HACD2: variants seen among roughly 807,000 people sequenced by gnomAD.
HACD2 encodes very-long-chain (3R)-3-hydroxyacyl-CoA dehydratase 2.
Under a neutral mutation model 31.0 loss-of-function variants are expected in HACD2, and 15 were observed. That is an observed-to-expected ratio of 0.48 (90% CI 0.32 to 0.75). The LOEUF is 0.75. Ranked by LOEUF, HACD2 falls within the 30% of genes least tolerant of loss-of-function variation. HACD2 has a pLI of 0.03. For missense variants in HACD2, 283 were observed against 313.0 expected, an observed-to-expected ratio of 0.90 and a Z score of 0.72; for synonymous variants, 115 against 122.2, an observed-to-expected ratio of 0.94 and a Z score of 0.39.
chr3:123,580,692 A>T (rs1320517703), intron 2 of HACD2, among the ~76,000 whole-genome samples: 1 of 150,978 alleles, frequency 6.6e-6, no homozygotes, highest in Non-Finnish European at 1.5e-5. Flanking sequence ...CTGAGGTGGG[A>T]GGACTGCTTG....
chr3:123,511,257 G>C (rs1219441400), intron 4 of HACD2, among the ~76,000 whole-genome samples: 1 of 152,026 alleles, frequency 6.6e-6, no homozygotes, highest in Non-Finnish European at 1.5e-5. Context: ...TTACAGACAA[G>C]TAAAGTGAGG....
intron 5 of HACD2, 77 bp downstream of exon 5, chr3:123,502,483 G>T (rs2055914546): frequency 2.8e-6 from 4 of 1,448,306 alleles, no homozygotes; most frequent in Non-Finnish European, 3.8e-6. Context: ...AAACTTTGAG[G>T]CAATATTTAG....
intron 4 of HACD2, among the ~76,000 whole-genome samples, chr3:123,510,135 T>C (rs1043374468): frequency 2.0e-5 from 3 of 152,168 alleles, no homozygotes; most frequent in African/African-American, 7.2e-5. Flanking sequence ...TCTGTACCCA[T>C]TAAACAATCA....
chr3:123,533,418 G>A (rs1355663208), intron 3 of HACD2, among the ~76,000 whole-genome samples: 1 of 152,188 alleles, frequency 6.6e-6, no homozygotes, highest in Non-Finnish European at 1.5e-5. Context: ...CAAAGTGCTG[G>A]GATTACAGGC....
At chr3:123,539,200 G>A (rs1042437805) in intron 3 of HACD2, among the ~76,000 whole-genome samples, 1 of 152,074 alleles carries the variant, frequency 6.6e-6, no homozygotes, top group African/African-American at 2.4e-5. Context: ...AAACCTTCTG[G>A]GGCGAAATTA....
intron 3 of HACD2, among the ~76,000 whole-genome samples, chr3:123,553,253 T>C (rs1244357372): frequency 6.6e-6 from 1 of 151,974 alleles, no homozygotes; most frequent in Non-Finnish European, 1.5e-5. Flanking sequence ...AGACCACATA[T>C]CTCAAAAGGG....
chr3:123,505,232 C>T (rs1374845161), intron 4 of HACD2, among the ~76,000 whole-genome samples: 1 of 152,110 alleles, frequency 6.6e-6, no homozygotes, highest in East Asian at 1.9e-4. Flanking sequence ...AGAGTAGAGA[C>T]AGAAGGTTGC....
At chr3:123,572,165 C>T (rs147748988) in intron 2 of HACD2, among the ~76,000 whole-genome samples, 182 of 152,214 alleles carry the variant, frequency 1.2e-3, no homozygotes, top group African/African-American at 4.3e-3. Flanking sequence ...AAGCACACCT[C>T]ATCAAAAAAA....
intron 3 of HACD2, among the ~76,000 whole-genome samples, chr3:123,549,261 C>A (rs2056593698): frequency 1.3e-5 from 2 of 151,986 alleles, no homozygotes; most frequent in African/African-American, 2.4e-5. Context: ...TGCTAATCTG[C>A]CATTATTTAT....
chr3:123,528,063 G>A (rs778980157), intron 4 of HACD2, among the ~76,000 whole-genome samples: 9 of 152,102 alleles, frequency 5.9e-5, no homozygotes, highest in Non-Finnish European at 1.3e-4. Context: ...GTTCGAGAGC[G>A]GCCTGGGCAA....
chr3:123,530,371 C>T (rs913242069), intron 3 of HACD2, among the ~76,000 whole-genome samples: 44 of 151,840 alleles, frequency 2.9e-4, no homozygotes, highest in African/African-American at 9.9e-4. Context: ...CTCGCCTCAG[C>T]GTCCCAAGTA....
Position 123,581,364 on chromosome 3 carries a change from T to C in HACD2, c.273+848A>G, listed in dbSNP as rs143586329. Among the ~76,000 whole-genome samples the C allele has an allele frequency of 5.4e-3, 823 of 152,300 alleles. 9 individuals carry two copies. The highest frequency in any genetic ancestry group is 7.9e-3 in the Non-Finnish European group (540 of 68,016). On this transcript the variant is annotated intron_variant, in intron 2 of 6. Transcript: ENST00000383657. ...GTCTATAGTCCCTTGGACAGAAGAA[T>C]GGGCATGTGTCCTAAGATTGGCTAA... is the stretch of plus-strand genomic sequence containing the variant.
chr3:123,560,425 C>T (rs1300555313), intron 3 of HACD2, among the ~76,000 whole-genome samples: 2 of 152,112 alleles, frequency 1.3e-5, no homozygotes, highest in East Asian at 3.8e-4. Flanking sequence ...CAACCTCCTA[C>T]CCAGGCCTCC....
intron 4 of HACD2, among the ~76,000 whole-genome samples, chr3:123,510,483 C>T (rs1176264960): frequency 6.6e-6 from 1 of 152,172 alleles, no homozygotes; most frequent in African/African-American, 2.4e-5. Flanking sequence ...CCTGACCTCA[C>T]ATGATCTGCC....
At chr3:123,540,041 G>A (rs1453221167) in intron 3 of HACD2, among the ~76,000 whole-genome samples, 14 of 139,628 alleles carry the variant, frequency 1.0e-4, no homozygotes, top group African/African-American at 2.9e-4. Flanking sequence ...CCATGATCAC[G>A]CCACTGCACT....
At chr3:123,581,769 G>T (rs772543614) in intron 2 of HACD2, among the ~76,000 whole-genome samples, 3 of 152,278 alleles carry the variant, frequency 2.0e-5, no homozygotes, top group Non-Finnish European at 4.4e-5. Context: ...CCTTAATGCA[G>T]GGAAATCAAT....
At chr3:123,524,105 T>C (rs530725768) in intron 4 of HACD2, among the ~76,000 whole-genome samples, 1 of 152,188 alleles carries the variant, frequency 6.6e-6, no homozygotes, top group Non-Finnish European at 1.5e-5. Context: ...ATGCTGAGAT[T>C]GGGTTAGGCT....
At position 123,494,839 on chromosome 3, in the gene HACD2, T is replaced by C. The variant is rs2055812854; in HGVS notation, c.*49A>G. 1.6e-6 allele frequency: 2 copies of C among 1,231,632 alleles called. No homozygotes were observed. The highest frequency in any genetic ancestry group is 1.2e-6 in the Non-Finnish European group (1 of 861,628). The allele number at this position is 1,231,632 out of a possible 1,614,324, so 76.3% of individuals were successfully genotyped here. ...GGGAACTCAAAAAATCTGCAGCATT[T>C]TTTGATCATTGAAAAGTTTGTTTTG... On this transcript the variant is annotated 3_prime_UTR_variant, in exon 7 of 7. Transcript: ENST00000383657.
chr3:123,576,477 G>T (rs570252783), intron 2 of HACD2, among the ~76,000 whole-genome samples: 41 of 152,036 alleles, frequency 2.7e-4, no homozygotes, highest in African/African-American at 9.7e-4. Flanking sequence ...TGAGAAGCTG[G>T]TTTTTCTGGG....
Sources: allele counts gnomAD v4.1 joint callset (sites outside exome capture counted in the v4.1 genomes callset), GRCh38; gene constraint gnomAD v4.1.1; transcripts MANE v1.5; gene names NCBI Gene and HGNC (gene_info 2026-07-23, HGNC 2026-07-21).